AKAP13: variants seen among roughly 807,000 people sequenced by gnomAD.
AKAP13 encodes the protein A-kinase anchor protein 13.
AKAP13 carries 80 observed loss-of-function variants against 264.5 expected under a neutral mutation model. The observed-to-expected ratio is 0.30, with a 90% CI of 0.25 to 0.36. The LOEUF (loss-of-function observed/expected upper bound fraction) is 0.36. Among genes scored for constraint, AKAP13 ranks in the 10% least tolerant of loss-of-function variants. The pLI is 1.00. For missense variants in AKAP13, 3,712 were observed against 3,435.2 expected (o/e 1.08, Z -2.01); for synonymous variants, 1,380 against 1,250.2 (o/e 1.10, Z -2.19).
At chr15:85,550,526 A>G (rs560967204) in intron 5 of AKAP13, among the ~76,000 whole-genome samples, 3 of 152,308 alleles carry the variant, frequency 2.0e-5, no homozygotes, top group East Asian at 3.9e-4. Flanking sequence ...TCAAGAATAC[A>G]TATTTCACAA....
chr15:85,706,415 C>T (rs1264641689), intron 17 of AKAP13, among the ~76,000 whole-genome samples: 1 of 152,158 alleles, frequency 6.6e-6, no homozygotes, highest in Admixed American at 6.5e-5. Flanking sequence ...CTCACTTACC[C>T]ATCTGATAGA....
chr15:85,632,915 G>C (rs2081907932), intron 8 of AKAP13, among the ~76,000 whole-genome samples: 1 of 151,998 alleles, frequency 6.6e-6, no homozygotes, highest in Admixed American at 6.6e-5. Flanking sequence ...CGCTAGGCTG[G>C]AGTGCTGTGG....
At chr15:85,436,740 G>A (rs2073318039) in intron 1 of AKAP13, among the ~76,000 whole-genome samples, 1 of 151,622 alleles carries the variant, frequency 6.6e-6, no homozygotes, top group South Asian at 2.1e-4. Flanking sequence ...CGAAATGAAG[G>A]CAGAAATAAA....
At chr15:85,654,646 C>T (rs1283035028) in intron 10 of AKAP13, among the ~76,000 whole-genome samples, 1 of 152,054 alleles carries the variant, frequency 6.6e-6, no homozygotes, top group Non-Finnish European at 1.5e-5. Flanking sequence ...TGGTGAAACC[C>T]TGTGTCTAAA....
At chr15:85,679,866 G>A (rs10520599) in intron 14 of AKAP13, among the ~76,000 whole-genome samples, 28,500 of 152,178 alleles carry the variant, frequency 0.19, 3,545 homozygotes, top group Middle Eastern at 0.41. Flanking sequence ...AGCATTGGTT[G>A]TTTTCTACCC....
intron 1 of AKAP13, among the ~76,000 whole-genome samples, chr15:85,448,998 A>G (rs993642831): frequency 4.6e-5 from 7 of 151,906 alleles, no homozygotes; most frequent in Admixed American, 3.9e-4. Flanking sequence ...TGGGCAGTAT[A>G]CCCATTTTAA....
intron 1 of AKAP13, among the ~76,000 whole-genome samples, chr15:85,444,955 A>C (rs1326414222): frequency 6.6e-6 from 1 of 152,158 alleles, no homozygotes; most frequent in Admixed American, 6.5e-5. Flanking sequence ...AGGCGGAAAG[A>C]AGTTGCAAAG....
chr15:85,561,345 ACCATGC>A (rs1308331999), intron 5 of AKAP13, among the ~76,000 whole-genome samples: 2 of 152,228 alleles, frequency 1.3e-5, no homozygotes, highest in Non-Finnish European at 2.9e-5. Flanking sequence ...GGCGTGAGCC[ACCATGC>A]CCAGCCTCTG....
rs1862478719 is a variant in AKAP13 at position 85,746,447 on chromosome 15, G to A, written c.*1770G>A. 6.6e-6 allele frequency: 1 copy of A among 152,098 alleles called. No homozygotes were observed. The highest frequency in any genetic ancestry group is 6.6e-5 in the Admixed American group (1 of 15,266). 9.4% of individuals were successfully genotyped at this position (152,098 alleles called of 1,614,324 possible). ...GAAGGCCCAGATGAAATTTTAAAGG[G>A]AGGGGGTCCATGTCCTTCCCTCCCC... is the stretch of plus-strand genomic sequence containing the variant. On this transcript the variant is annotated 3_prime_UTR_variant, in exon 37 of 37. Coordinates refer to ENST00000394518, the MANE Select transcript of AKAP13 (RefSeq NM_007200.5).
chr15:85,705,758 C>G (rs900279211), intron 17 of AKAP13, among the ~76,000 whole-genome samples: 1 of 152,132 alleles, frequency 6.6e-6, no homozygotes, highest in African/African-American at 2.4e-5. Context: ...TTTAAGAAAC[C>G]ATTATGGTTA....
chr15:85,383,903 A>G (rs1283644257), intron 1 of AKAP13, among the ~76,000 whole-genome samples: 1 of 152,246 alleles, frequency 6.6e-6, no homozygotes, highest in Non-Finnish European at 1.5e-5. Context: ...GTGTTAGTTC[A>G]GTACAGAGAC....
intron 15 of AKAP13, among the ~76,000 whole-genome samples, chr15:85,683,138 C>G (rs1322615434): frequency 1.3e-5 from 2 of 152,166 alleles, no homozygotes; most frequent in African/African-American, 2.4e-5. Context: ...TGATTTAGAA[C>G]CCTTGCAATG....
At chr15:85,577,036 C>T (rs146825963) in intron 6 of AKAP13, among the ~76,000 whole-genome samples, 2 of 152,270 alleles carry the variant, frequency 1.3e-5, no homozygotes, top group African/African-American at 4.8e-5. Context: ...AGGAGACTGT[C>T]GTACTCTCAG....
intron 2 of AKAP13, among the ~76,000 whole-genome samples, chr15:85,503,256 T>G (rs985751921): frequency 2.6e-5 from 4 of 152,076 alleles, no homozygotes; most frequent in Non-Finnish European, 5.9e-5. Flanking sequence ...CCTCTTAGAG[T>G]TTACAATCTA....
intron 2 of AKAP13, among the ~76,000 whole-genome samples, chr15:85,516,039 C>A (rs888254420): frequency 1.3e-5 from 2 of 152,168 alleles, no homozygotes; most frequent in Non-Finnish European, 2.9e-5. Context: ...CAGAAAAGCA[C>A]ATGGTGTATT....
intron 5 of AKAP13, among the ~76,000 whole-genome samples, chr15:85,556,873 A>G (rs1197774734): frequency 6.6e-6 from 1 of 152,214 alleles, no homozygotes; most frequent in Admixed American, 6.5e-5. Context: ...GACATTTTCT[A>G]CCATAAGCAC....
In AKAP13 at chr15:85,734,901, C is replaced by T. The variant is rs908567510; in HGVS notation, c.7283-91C>T. On this transcript the variant is annotated intron_variant, in intron 30 of 36. Coordinates refer to ENST00000394518, the MANE Select transcript of AKAP13 (RefSeq NM_007200.5). ...CAGTCACTCTTTGGAACTTTCAAGTCGTGCTCTTTGTACGTATCATATATA... is the reference window on the plus strand; with the variant it reads ...CAGTCACTCTTTGGAACTTTCAAGTTGTGCTCTTTGTACGTATCATATATA... 1.8e-5 allele frequency: 27 copies of T among 1,485,462 alleles called. 1 individual carries two copies. Among genetic ancestry groups the T allele is most frequent in the African/African-American group, 1.4e-4 (10 of 70,756 alleles). 92.0% of individuals were successfully genotyped at this position (1,485,462 alleles called of 1,614,324 possible).
chr15:85,692,911 C>T (rs897915526), intron 16 of AKAP13, among the ~76,000 whole-genome samples: 3 of 152,150 alleles, frequency 2.0e-5, no homozygotes, highest in African/African-American at 4.8e-5. Flanking sequence ...TGGCCCTAAA[C>T]CCATGACTCT....
chr15:85,602,177 C>T (rs1027141509), intron 8 of AKAP13, among the ~76,000 whole-genome samples: 3 of 151,882 alleles, frequency 2.0e-5, no homozygotes, highest in East Asian at 1.9e-4. Flanking sequence ...AATCTGAAAT[C>T]GTATCATTGA....
Sources: gnomAD v4.1 joint callset for allele counts (sites outside exome capture counted in the v4.1 genomes callset) on GRCh38, gnomAD v4.1.1 for gene constraint, MANE v1.5 for transcripts, NCBI Gene and HGNC (gene_info 2026-07-23, HGNC 2026-07-21) for gene names.